The following PALM2AKAP2 variants were observed in gnomAD, a reference collection of about 807,000 sequenced individuals.
The protein encoded by PALM2AKAP2 is PALM2 and AKAP2 fusion.
PALM2AKAP2 carries 37 observed loss-of-function variants against 71.5 expected under a neutral mutation model. The observed-to-expected ratio is 0.52, with a 90% CI of 0.40 to 0.68. The LOEUF is 0.68. Among genes scored for constraint, PALM2AKAP2 ranks in the 30% least tolerant of loss-of-function variants. PALM2AKAP2 has a pLI of 0.00. For missense variants in PALM2AKAP2, 1,224 were observed against 1,191.8 expected, an observed-to-expected ratio of 1.03 and a Z score of -0.40; for synonymous variants, 468 against 478.8, an observed-to-expected ratio of 0.98 and a Z score of 0.29.
chr9:109,681,265 G>A (rs1827728765), intron 1 of PALM2AKAP2, among the ~76,000 whole-genome samples: 1 of 152,162 alleles, frequency 6.6e-6, no homozygotes, highest in Admixed American at 6.5e-5. Flanking sequence ...TTAACATCCT[G>A]TTAGATAGGA....
intron 6 of PALM2AKAP2, among the ~76,000 whole-genome samples, chr9:109,998,733 G>A (rs116119968): frequency 0.016 from 2,299 of 145,190 alleles, 69 homozygotes; most frequent in African/African-American, 0.057. Flanking sequence ...CACCGCTGCC[G>A]TCCAGCCTGG....
At chr9:109,998,970 A>C (rs758101652) in intron 6 of PALM2AKAP2, among the ~76,000 whole-genome samples, 3 of 152,032 alleles carry the variant, frequency 2.0e-5, no homozygotes, top group African/African-American at 7.3e-5. Flanking sequence ...ATGAGCTCCC[A>C]CTGTGTGCCA....
At chr9:109,868,237 A>G (rs1263935611) in intron 2 of PALM2AKAP2, among the ~76,000 whole-genome samples, 1 of 152,350 alleles carries the variant, frequency 6.6e-6, no homozygotes, top group South Asian at 2.1e-4. Context: ...TCTTTAAAAC[A>G]TGATGCACTT....
In PALM2AKAP2 at chr9:109,770,848, A is replaced by G. The variant is rs376533379; in HGVS notation, c.6-9640A>G. 5.3e-5 allele frequency among the ~76,000 whole-genome samples: 8 copies of G among 152,356 alleles called. No individual in the cohort carries two copies. In the East Asian group the frequency reaches 7.7e-4, roughly 15 times the overall value. ...CATAATTAGAAAATAGAATTCATTG[A>G]GCATCTGCAATATGCCAGGAGCTTT... On this transcript the variant is annotated intron_variant, in intron 1 of 6. Coordinates refer to the PALM2AKAP2 transcript ENST00000374531.
intron 1 of PALM2AKAP2, among the ~76,000 whole-genome samples, chr9:110,086,032 G>A (rs529148522): frequency 5.3e-5 from 8 of 151,706 alleles, no homozygotes; most frequent in South Asian, 4.2e-4. Flanking sequence ...GCTTGAACCC[G>A]GGAGGCAGTG....
chr9:109,664,998 G>A (rs1185401225), intron 1 of PALM2AKAP2, among the ~76,000 whole-genome samples: 1 of 152,112 alleles, frequency 6.6e-6, no homozygotes. Flanking sequence ...TTGTGCATGT[G>A]TCACAAAGTT....
At chr9:109,790,927 G>A (rs1308434462) in intron 1 of PALM2AKAP2, among the ~76,000 whole-genome samples, 1 of 152,186 alleles carries the variant, frequency 6.6e-6, no homozygotes, top group Non-Finnish European at 1.5e-5. Flanking sequence ...AACCTGCATG[G>A]CCTATTTTTC....
chr9:109,931,844 G>T, intron 5 of PALM2AKAP2, 83 bp from the exon 6 acceptor site: 1 of 1,478,586 alleles, frequency 6.8e-7, no homozygotes, highest in Non-Finnish European at 9.3e-7. Flanking sequence ...ATTATGTAGG[G>T]CAGACAAGCT....
At chr9:109,998,765 A>C (rs1832622419) in intron 6 of PALM2AKAP2, among the ~76,000 whole-genome samples, 1 of 101,074 alleles carries the variant, frequency 9.9e-6, no homozygotes, top group Middle Eastern at 4.8e-3. Context: ...ACCCTGTCGC[A>C]AAAAAAAAAA....
chr9:109,846,469 G>A (rs576081119), intron 1 of PALM2AKAP2, among the ~76,000 whole-genome samples: 1 of 152,218 alleles, frequency 6.6e-6, no homozygotes, highest in Non-Finnish European at 1.5e-5. Context: ...TCACCAAGCT[G>A]TGTGATTTAG....
chr9:110,165,275 G>T (rs1335062390), intron 3 of PALM2AKAP2, among the ~76,000 whole-genome samples: 1 of 139,912 alleles, frequency 7.1e-6, no homozygotes, highest in Non-Finnish European at 1.5e-5. Flanking sequence ...CTCTAAATTT[G>T]CTAGAGATTC....
intron 1 of PALM2AKAP2, among the ~76,000 whole-genome samples, chr9:109,740,025 A>T (rs756584833): frequency 1.8e-4 from 27 of 152,234 alleles, no homozygotes; most frequent in Non-Finnish European, 3.8e-4. Flanking sequence ...TCTGTGATTC[A>T]TCTTATTTGC....
chr9:109,719,828 G>A (rs1828379443), intron 1 of PALM2AKAP2, among the ~76,000 whole-genome samples: 1 of 152,154 alleles, frequency 6.6e-6, no homozygotes, highest in African/African-American at 2.4e-5. Flanking sequence ...AGGGCTGAGA[G>A]GATTGATTTC....
At chr9:109,642,521 T>A (rs933586331) in intron 1 of PALM2AKAP2, among the ~76,000 whole-genome samples, 1 of 148,736 alleles carries the variant, frequency 6.7e-6, no homozygotes, top group African/African-American at 2.5e-5. Context: ...AACCTAATAC[T>A]ACAGTCTACA....
At chr9:109,843,776 C>T (rs1024379737) in intron 1 of PALM2AKAP2, among the ~76,000 whole-genome samples, 27 of 152,192 alleles carry the variant, frequency 1.8e-4, no homozygotes, top group African/African-American at 5.1e-4. Flanking sequence ...AGCACTACCT[C>T]GGCCTGGCCC....
chr9:110,109,826 A>G (rs936608189), intron 1 of PALM2AKAP2, among the ~76,000 whole-genome samples: 1 of 152,200 alleles, frequency 6.6e-6, no homozygotes, highest in Non-Finnish European at 1.5e-5. Context: ...TTTTAAAAAA[A>G]AAGTTCAGTC....
chr9:109,653,799 G>A (rs1255993469), intron 1 of PALM2AKAP2, among the ~76,000 whole-genome samples: 1 of 152,130 alleles, frequency 6.6e-6, no homozygotes, highest in Non-Finnish European at 1.5e-5. Flanking sequence ...TGTGGGTGTG[G>A]GGTTCCTCAT....
intron 1 of PALM2AKAP2, among the ~76,000 whole-genome samples, chr9:109,786,885 TAGAA>T (rs1826984894): frequency 6.6e-6 from 1 of 152,200 alleles, no homozygotes; most frequent in Non-Finnish European, 1.5e-5. Context: ...CAGGGCCCAG[TAGAA>T]TTGTTTCTAT....
At chr9:109,873,253 A>G (rs935778039) in intron 2 of PALM2AKAP2, among the ~76,000 whole-genome samples, 4 of 152,166 alleles carry the variant, frequency 2.6e-5, no homozygotes, top group Non-Finnish European at 5.9e-5. Flanking sequence ...ACCTGAGGTC[A>G]GGAGTTCGAG....
Sources: gnomAD v4.1 joint callset for allele counts (sites outside exome capture counted in the v4.1 genomes callset) on GRCh38, gnomAD v4.1.1 for gene constraint, MANE v1.5 for transcripts, NCBI Gene and HGNC (gene_info 2026-07-23, HGNC 2026-07-21) for gene names.